CACNA1B: variants seen among roughly 807,000 people sequenced by gnomAD.
CACNA1B encodes calcium voltage-gated channel subunit alpha1 B.
A neutral mutation model predicts 247.2 loss-of-function variants in CACNA1B; 70 were observed. The observed-to-expected ratio is 0.28, with a 90% CI of 0.23 to 0.35. The LOEUF (loss-of-function observed/expected upper bound fraction) is 0.35. Among genes scored for constraint, CACNA1B ranks in the 10% least tolerant of loss-of-function variants. The pLI, the probability that CACNA1B is intolerant of heterozygous loss-of-function variation, is 1.00. For synonymous variants in CACNA1B, 1,231 were observed against 1,294.4 expected, an observed-to-expected ratio of 0.95 and a Z score of 1.05; for missense variants, 2,367 against 3,197.4, an observed-to-expected ratio of 0.74 and a Z score of 6.26.
intron 3 of CACNA1B, among the ~76,000 whole-genome samples, chr9:137,893,074 C>T (rs1420834019): frequency 6.6e-6 from 1 of 152,162 alleles, no homozygotes; most frequent in African/African-American, 2.4e-5. Context: ...GGCAAAGGCC[C>T]CCCACCCTCC....
intron 20 of CACNA1B, among the ~76,000 whole-genome samples, chr9:138,029,412 G>C (rs1442866106): frequency 6.6e-6 from 1 of 151,954 alleles, no homozygotes; most frequent in Non-Finnish European, 1.5e-5. Context: ...TATGGATGTT[G>C]GTCTGCTTAA....
At chr9:137,920,585 T>C (rs558117728) in intron 6 of CACNA1B, among the ~76,000 whole-genome samples, 1 of 152,222 alleles carries the variant, frequency 6.6e-6, no homozygotes, top group South Asian at 2.1e-4. Flanking sequence ...GTCAGAATGG[T>C]CATGGGCTTG....
intron 19 of CACNA1B, among the ~76,000 whole-genome samples, 154 bp downstream of exon 19, chr9:138,023,965 C>A (rs1164644248): frequency 6.6e-6 from 1 of 152,182 alleles, no homozygotes; most frequent in Non-Finnish European, 1.5e-5. Flanking sequence ...CTCTGCATGC[C>A]GTTCACGTGG....
At chr9:138,119,353 G>A (rs542426034) in intron 44 of CACNA1B, among the ~76,000 whole-genome samples, 8 of 152,146 alleles carry the variant, frequency 5.3e-5, no homozygotes, top group Admixed American at 1.3e-4. Flanking sequence ...TGGGAGGATC[G>A]CCCCTCCGAG....
At position 137,885,272 on chromosome 9, in the gene CACNA1B, G is replaced by A. The variant is rs750019980; in HGVS notation, c.530+2389G>A. 3.9e-5 allele frequency among the ~76,000 whole-genome samples: 6 copies of A among 152,094 alleles called. 1 individual carries two copies. In the East Asian group the frequency reaches 7.8e-4, roughly 20 times the overall value. On this transcript the variant is annotated intron_variant, in intron 3 of 46. Transcript: ENST00000371372. ...TGGCTCCAAGTCACGGGAGGGAGCC[G>A]CTTTGCTGCTCTCGTGTGGGGCACC...
chr9:137,894,989 A>G (rs1957157073), intron 3 of CACNA1B, among the ~76,000 whole-genome samples: 1 of 152,050 alleles, frequency 6.6e-6, no homozygotes, highest in Non-Finnish European at 1.5e-5. Context: ...TCTTTTTCTA[A>G]AAGTTTTGTT....
At chr9:137,924,987 A>G (rs1311144521) in intron 6 of CACNA1B, among the ~76,000 whole-genome samples, 3 of 152,196 alleles carry the variant, frequency 2.0e-5, no homozygotes, top group Non-Finnish European at 2.9e-5. Context: ...TGATACAGGA[A>G]GCTTGTTTAT....
At chr9:138,062,799 A>G (rs1185181785) in intron 31 of CACNA1B, among the ~76,000 whole-genome samples, 1 of 152,210 alleles carries the variant, frequency 6.6e-6, no homozygotes, top group Admixed American at 6.5e-5. Context: ...GGCCACTGCT[A>G]TCACATCCTG....
chr9:138,023,604 G>C lies in CACNA1B; in HGVS notation c.2861G>C (p.Arg954Pro). The C allele has an allele frequency of 9.0e-7, 1 of 1,116,718 alleles. No individual in the cohort carries two copies. The highest frequency in any genetic ancestry group is 1.1e-6 in the Non-Finnish European group (1 of 912,410). 69.2% of individuals were successfully genotyped at this position (1,116,718 alleles called of 1,614,324 possible). Residue 954 changes from arginine (R) to proline (P), a missense_variant, in exon 19 of 47, where the codon CGG becomes CCG. By Grantham distance (103) the Arg-to-Pro change is moderately radical. Coordinates refer to ENST00000371372, the MANE Select transcript of CACNA1B (RefSeq NM_000718.4). ...GAGTGCGCCGGCGCCAAGGGCGAGC[G>C]GCGCGCGCGGCACCGCGGCGGCCCC... ...SKECAGAKGE[R>P]RARHRGGPRA...
At chr9:138,003,580 G>A (rs573958654) in intron 15 of CACNA1B, among the ~76,000 whole-genome samples, 2 of 152,092 alleles carry the variant, frequency 1.3e-5, no homozygotes, top group South Asian at 2.1e-4. Context: ...AAAAATAAAA[G>A]CAAACAGGAG....
Position 137,882,917 on chromosome 9 carries a change from G to A in CACNA1B, c.530+34G>A. 6.3e-7 allele frequency: 1 copy of A among 1,588,552 alleles called. No homozygotes were observed. Among genetic ancestry groups the A allele is most frequent in the South Asian group, 1.1e-5 (1 of 90,276 alleles). On this transcript the variant is annotated intron_variant, in intron 3 of 46. Coordinates refer to ENST00000371372, the MANE Select transcript of CACNA1B (RefSeq NM_000718.4). This position sits in a 1 kb window ranked among gnomAD's most constrained non-coding sequence, Gnocchi z 4.0. ...GCTGAGGCCAGGAGGCCCAGCGTGT[G>A]AGGCCCGGGCGTGTGCTCTCTGAAG... is the stretch of plus-strand genomic sequence containing the variant.
chr9:138,037,758 G>C (rs1959065262), intron 20 of CACNA1B, among the ~76,000 whole-genome samples: 1 of 152,112 alleles, frequency 6.6e-6, no homozygotes, highest in African/African-American at 2.4e-5. Flanking sequence ...ATGGTATCAG[G>C]AGCTCTGTCA....
At chr9:138,112,819 TGA>T (rs1961689747) in intron 40 of CACNA1B, among the ~76,000 whole-genome samples, 1 of 151,574 alleles carries the variant, frequency 6.6e-6, no homozygotes, top group Non-Finnish European at 1.5e-5. Context: ...CTCCATCTTG[TGA>T]GAGACGTGAG....
chr9:137,930,714 C>G (rs1957598139), intron 6 of CACNA1B, among the ~76,000 whole-genome samples: 1 of 152,072 alleles, frequency 6.6e-6, no homozygotes, highest in African/African-American at 2.4e-5. Flanking sequence ...GCAGATTTGT[C>G]TGTTTCTCTT....
Position 138,102,829 on chromosome 9 carries a change from C to T in CACNA1B, c.5319+22C>T, listed in dbSNP as rs750329860. The T allele has an allele frequency of 1.9e-5, 28 of 1,506,726 alleles. No homozygotes were observed. Among genetic ancestry groups the T allele is most frequent in the African/African-American group, 2.7e-5 (2 of 72,728 alleles). 93.3% of individuals were successfully genotyped at this position (1,506,726 alleles called of 1,614,324 possible). A position where few individuals can be genotyped will look rare whatever the true frequency, so the allele number is the denominator to read the frequency against. ...CAAGGTAGACCCTGACCCTGCAACC[C>T]GCCCCCCAGGAGGCTGTGTGTGCTT... is the stretch of plus-strand genomic sequence containing the variant. On this transcript the variant is annotated intron_variant, in intron 38 of 46. Coordinates refer to ENST00000371372, the MANE Select transcript of CACNA1B (RefSeq NM_000718.4). The surrounding 1 kb of genome is among the most constrained non-coding windows in gnomAD (Gnocchi z 5.4).
intron 18 of CACNA1B, among the ~76,000 whole-genome samples, chr9:138,022,297 C>T (rs954943776): frequency 6.6e-6 from 1 of 152,202 alleles, no homozygotes; most frequent in African/African-American, 2.4e-5. Context: ...TCAGACCTGA[C>T]TTCTGGGCTC....
intron 6 of CACNA1B, among the ~76,000 whole-genome samples, chr9:137,942,166 G>T (rs1957739826): frequency 6.6e-6 from 1 of 152,128 alleles, no homozygotes; most frequent in South Asian, 2.1e-4. Flanking sequence ...GTGGGCTAAG[G>T]ACATGAATAG....
intron 38 of CACNA1B, among the ~76,000 whole-genome samples, chr9:138,103,172 T>A (rs1961311460): frequency 6.6e-6 from 1 of 152,214 alleles, no homozygotes. Context: ...AGATTGTTTT[T>A]GTTCTGGGCT....
chr9:137,990,305 G>A lies in CACNA1B; in HGVS notation c.1974+3451G>A, dbSNP rs1279759374. On this transcript the variant is annotated intron_variant, in intron 15 of 46. Coordinates refer to ENST00000371372, the MANE Select transcript of CACNA1B (RefSeq NM_000718.4). The surrounding 1 kb of genome is among the most constrained non-coding windows in gnomAD (Gnocchi z 4.5). ...CCCCACAGCAGCCACAGCAAGCCCCGCCCAAGCAGAGTCTGAGCTCAGACA... is the reference window on the plus strand; with the variant it reads ...CCCCACAGCAGCCACAGCAAGCCCCACCCAAGCAGAGTCTGAGCTCAGACA... Among the ~76,000 whole-genome samples, 1 of 151,822 alleles carries A rather than the reference G, an allele frequency of 6.6e-6. No homozygotes were observed. Among genetic ancestry groups the A allele is most frequent in the Non-Finnish European group, 1.5e-5 (1 of 67,972 alleles).
Sources: gnomAD v4.1 joint callset for allele counts (sites outside exome capture counted in the v4.1 genomes callset) on GRCh38, gnomAD v4.1.1 for gene constraint, Gnocchi (gnomAD v3.1) non-coding constraint, MANE v1.5 for transcripts, NCBI Gene and HGNC (gene_info 2026-07-23, HGNC 2026-07-21) for gene names.